The following SGO2 variants were observed in gnomAD, a reference collection of about 807,000 sequenced individuals.
SGO2 encodes shugoshin 2.
Under a neutral mutation model 99.5 loss-of-function variants are expected in SGO2, and 68 were observed. That is an observed-to-expected ratio of 0.68 (90% confidence interval 0.56 to 0.84). The LOEUF (loss-of-function observed/expected upper bound fraction) is 0.84. Among genes scored for constraint, SGO2 ranks in the 40% least tolerant of loss-of-function variants. The pLI is 0.00. For missense variants in SGO2, 1,350 were observed against 1,436.7 expected (o/e 0.94, Z 0.97); for synonymous variants, 457 against 487.1 (o/e 0.94, Z 0.81).
rs1393550691 is a variant in SGO2 at position 200,579,083 on chromosome 2, A to G, written c.3782+3622A>G. On this transcript the variant is annotated intron_variant, in intron 8 of 8. Transcript: ENST00000357799. The stretch of plus-strand genomic sequence containing the variant: ...TGTCTCCATATGTTGCAAAATTTCA[A>G]CTGGGAGGCAAAAGCATCCTGAGTT... 2.6e-5 allele frequency among the ~76,000 whole-genome samples: 4 copies of G among 152,182 alleles called. No individual in the cohort carries two copies. The East Asian group carries it at 7.7e-4, about 29-fold the overall frequency.
intron 5 of SGO2, among the ~76,000 whole-genome samples, chr2:200,551,907 T>C (rs1322379032): frequency 6.6e-6 from 1 of 152,206 alleles, no homozygotes; most frequent in Non-Finnish European, 1.5e-5. Flanking sequence ...TGCTATTTGA[T>C]AGTGTGAATC....
At chr2:200,568,920 AACTTGTTT>A (rs560340050) in intron 5 of SGO2, among the ~76,000 whole-genome samples, 33,162 of 151,934 alleles carry the variant, frequency 0.22, 3,740 homozygotes, top group South Asian at 0.32. Flanking sequence ...TATTTTTGTT[AACTTGTTT>A]CCTCAAGTGG....
In SGO2 at chr2:200,571,299, C is replaced by T; in HGVS notation, c.953C>T (p.Thr318Ile). Residue 318 changes from threonine to isoleucine, a missense_variant, in exon 7 of 9, where the codon ACA (threonine) becomes ATA (isoleucine). Thr to Ile is a moderately conservative substitution (Grantham distance 89). Transcript: ENST00000357799. ...GAGATAAATGGTCATACTAATGAAA[C>T]AAATACTGAAATGCAAAGAAATAAA... is the stretch of plus-strand genomic sequence containing the variant. Reference protein sequence around the residue: ...NNEINGHTNETNTEMQRNKQD... With the variant: ...NNEINGHTNEINTEMQRNKQD... 6.2e-7 allele frequency: 1 copy of T among 1,613,026 alleles called. No homozygotes were observed. The highest frequency in any genetic ancestry group is 1.1e-5 in the South Asian group (1 of 91,018).
At position 200,572,795 on chromosome 2, in the gene SGO2, G is replaced by A; in HGVS notation, c.2449G>A (p.Glu817Lys). The A allele has an allele frequency of 1.9e-6, 3 of 1,612,524 alleles. No individual in the cohort carries two copies. The highest frequency in any genetic ancestry group is 2.5e-6 in the Non-Finnish European group (3 of 1,179,302). Reference protein sequence around the residue: ...KPRLNVCQKSEIIPETNQIYE... With the variant: ...KPRLNVCQKSKIIPETNQIYE... ...TAGACTAAATGTATGTCAAAAGTCA[G>A]AAATAATTCCTGAAACCAACCAAAT... Residue 817 changes from glutamate (E) to lysine (K), a missense_variant, in exon 7 of 9, where the codon GAA becomes AAA. By Grantham distance (56) the Glu-to-Lys change is moderately conservative (BLOSUM62 1). Coordinates refer to ENST00000357799, the MANE Select transcript of SGO2 (RefSeq NM_152524.6).
chr2:200,559,165 G>T (rs1011377623), intron 5 of SGO2, among the ~76,000 whole-genome samples: 1 of 152,146 alleles, frequency 6.6e-6, no homozygotes, highest in South Asian at 2.1e-4. Context: ...CTTATGTTAG[G>T]TTTGTAAAAT....
chr2:200,559,713 A>C (rs762219623), intron 5 of SGO2, among the ~76,000 whole-genome samples: 1 of 152,162 alleles, frequency 6.6e-6, no homozygotes, highest in Non-Finnish European at 1.5e-5. Flanking sequence ...GGCATACATC[A>C]TCAGTCTTCT....
rs1464173831 is a variant in SGO2, at chr2:200,573,308, A to G, written c.2962A>G (p.Lys988Glu). 3.1e-6 allele frequency: 5 copies of G among 1,605,716 alleles called. No individual in the cohort carries two copies. The Middle Eastern group carries it at 5.0e-4, about 160-fold the overall frequency. The change falls in exon 7 of 9, where the codon AAA (lysine) becomes GAA (glutamate). Residue 988 changes from lysine (K) to glutamate (E), a missense_variant. Lys to Glu is a moderately conservative substitution (Grantham distance 56, BLOSUM62 1). Transcript: ENST00000357799. ...CTACAAAGTAGTTAAAAAACGTAAG[A>G]AAGAATCATCATGCAAGGCAAAGAA... is the stretch of plus-strand genomic sequence containing the variant. ...DSYKVVKKRK[K>E]ESSCKAKNIL...
intron 7 of SGO2, among the ~76,000 whole-genome samples, chr2:200,574,925 A>C (rs2033598191): frequency 3.3e-5 from 5 of 151,912 alleles, no homozygotes; most frequent in Admixed American, 3.3e-4. Context: ...ATTCCAGGTA[A>C]AAGCACACTG....
Position 200,570,941 on chromosome 2 carries a change from T to A in SGO2, c.704-109T>A, listed in dbSNP as rs2033388041. The stretch of plus-strand genomic sequence containing the variant: ...AATATTAGGATCTGATCAGAACACA[T>A]TGTCAGAAATTATATCTGTGAAACA... On this transcript the variant is annotated intron_variant, in intron 6 of 8. Coordinates refer to ENST00000357799, the MANE Select transcript of SGO2 (RefSeq NM_152524.6). The surrounding 1 kb of genome is among the most constrained non-coding windows in gnomAD (Gnocchi z 4.4). 3.0e-6 allele frequency: 3 copies of A among 989,280 alleles called. No homozygotes were observed. The highest frequency in any genetic ancestry group is 4.4e-6 in the Non-Finnish European group (3 of 685,850). 61.3% of individuals were successfully genotyped at this position (989,280 alleles called of 1,614,324 possible).
intron 5 of SGO2, among the ~76,000 whole-genome samples, chr2:200,549,042 A>T (rs2032356068): frequency 6.6e-6 from 1 of 152,150 alleles, no homozygotes; most frequent in East Asian, 1.9e-4. Flanking sequence ...GAATTGCTTG[A>T]GGCCAGGAGT....
intron 1 of SGO2, chr2:200,532,384 G>C (rs1488122708): frequency 1.0e-6 from 1 of 981,746 alleles, no homozygotes; most frequent in Admixed American, 6.4e-5. Context: ...AACATCAACT[G>C]CTGCTTCTCA....
chr2:200,579,103 T>C (rs1312090751), intron 8 of SGO2, among the ~76,000 whole-genome samples: 1 of 152,210 alleles, frequency 6.6e-6, no homozygotes, highest in Non-Finnish European at 1.5e-5. Flanking sequence ...AAAAGCATCC[T>C]GAGTTGAAAA....
intron 8 of SGO2, among the ~76,000 whole-genome samples, chr2:200,579,565 A>G (rs546537492): frequency 1.1e-4 from 17 of 152,302 alleles, no homozygotes; most frequent in African/African-American, 3.6e-4. Flanking sequence ...TGTTTTTATC[A>G]TGAATGATTG....
At chr2:200,529,350 C>A (rs2031253158) in intron 1 of SGO2, among the ~76,000 whole-genome samples, 1 of 152,180 alleles carries the variant, frequency 6.6e-6, no homozygotes, top group African/African-American at 2.4e-5. Flanking sequence ...TTGTAAGGCG[C>A]TATTCCATGC....
chr2:200,540,694 A>T (rs2031922535), intron 4 of SGO2, among the ~76,000 whole-genome samples: 1 of 152,240 alleles, frequency 6.6e-6, no homozygotes, highest in South Asian at 2.1e-4. Context: ...TATAGCATAT[A>T]GACATTTTAT....
intron 1 of SGO2, among the ~76,000 whole-genome samples, chr2:200,528,409 A>G (rs1045196922): frequency 6.6e-6 from 1 of 152,230 alleles, no homozygotes; most frequent in African/African-American, 2.4e-5. Context: ...AGGTGGATAT[A>G]TTGTGAAAGC....
chr2:200,546,178 TAAA>T (rs61255782), intron 5 of SGO2, among the ~76,000 whole-genome samples: 32 of 139,416 alleles, frequency 2.3e-4, no homozygotes, highest in African/African-American at 6.9e-4. Context: ...ATAGATTTGC[TAAA>T]AAAAAAAAAA....
At chr2:200,531,222 A>C (rs1175873792) in intron 1 of SGO2, among the ~76,000 whole-genome samples, 1 of 152,192 alleles carries the variant, frequency 6.6e-6, no homozygotes, top group Non-Finnish European at 1.5e-5. Flanking sequence ...TATGTAGGTA[A>C]TTGCAATGGA....
In SGO2 at chr2:200,573,734, G is replaced by T; in HGVS notation, c.3388G>T (p.Asp1130Tyr). Reference sequence around the variant, plus strand: ...TGAGAAAATGGTCAAAAATAAGCCAGACTTTTACACAAAGGCATTTAGATC... The same window carrying T: ...TGAGAAAATGGTCAAAAATAAGCCATACTTTTACACAAAGGCATTTAGATC... The part of the protein sequence containing the change: ...ENEKMVKNKP[D>Y]FYTKAFRSLS... Residue 1130 changes from aspartate (D) to tyrosine (Y), a missense_variant, in exon 7 of 9, where the codon GAC becomes TAC. Physicochemically the swap from Asp to Tyr is radical, Grantham distance 160. Coordinates refer to ENST00000357799, the MANE Select transcript of SGO2 (RefSeq NM_152524.6). 6.2e-7 allele frequency: 1 copy of T among 1,612,218 alleles called. No homozygotes were observed. The highest frequency in any genetic ancestry group is 8.5e-7 in the Non-Finnish European group (1 of 1,179,248).
Sources: allele counts gnomAD v4.1 joint callset (sites outside exome capture counted in the v4.1 genomes callset), GRCh38; gene constraint gnomAD v4.1.1; non-coding constraint Gnocchi (gnomAD v3.1); transcripts MANE v1.5; gene names NCBI Gene and HGNC (gene_info 2026-07-23, HGNC 2026-07-21).